CCNJL: variants seen among roughly 807,000 people sequenced by gnomAD.
The protein encoded by CCNJL is cyclin-J-like protein.
A neutral mutation model predicts 33.4 loss-of-function variants in CCNJL; 33 were observed. The observed-to-expected ratio is 0.99, with a 90% CI of 0.75 to 1.32. CCNJL has a LOEUF of 1.32. Ranked by LOEUF, CCNJL falls within the 40% of genes most tolerant of loss-of-function variation. The pLI, the probability that CCNJL is intolerant of heterozygous loss-of-function variation, is 0.00. For synonymous variants in CCNJL, 227 were observed against 220.9 expected (o/e 1.03, Z -0.24); for missense variants, 512 against 499.7 (o/e 1.02, Z -0.23).
At chr5:160,258,257 C>T in intron 4 of CCNJL, 3 of 681,900 alleles carry the variant, frequency 4.4e-6, no homozygotes, top group African/African-American at 1.8e-5. Context: ...GTCAAAATGG[C>T]TGGCAAGAAG....
rs1359537635 is a variant in CCNJL, at chr5:160,311,756, C to T, written c.66+102G>A. The stretch of plus-strand genomic sequence containing the variant: ...AAGGGTAAGAGGAAAAAAAGGCACC[C>T]GGGAGTTCTGAGTTCCCACGCAGGC... On this transcript the variant is annotated intron_variant, in intron 2 of 5. Transcript: ENST00000257536. 2.3e-5 allele frequency: 25 copies of T among 1,100,570 alleles called. No homozygotes were observed. In the South Asian group the frequency reaches 2.9e-4, roughly 13 times the overall value. 68.2% of individuals were successfully genotyped at this position (1,100,570 alleles called of 1,614,324 possible).
rs541145351 is a variant in CCNJL, at chr5:160,278,706, G to A, written c.280+1819C>T. Among the ~76,000 whole-genome samples the A allele has an allele frequency of 9.8e-5, 15 of 152,296 alleles. No homozygotes were observed. In the East Asian group the frequency reaches 1.7e-3, roughly 18 times the overall value. Reference sequence around the variant, plus strand: ...ATCCCAGCTCCCCAGACAGACACTCGGGGAGAGCTTCCATGGCCCCATGGA... The same window carrying A: ...ATCCCAGCTCCCCAGACAGACACTCAGGGAGAGCTTCCATGGCCCCATGGA... On this transcript the variant is annotated intron_variant, in intron 3 of 5. Coordinates refer to ENST00000257536, the MANE Select transcript of CCNJL (RefSeq NM_001308173.3).
rs1417817383 is a variant in CCNJL, at chr5:160,259,701, G to T, written c.351C>A (p.Ser117Arg). ...EQINSTRILS[S>R]QNFTLTKKEL... The stretch of plus-strand genomic sequence containing the variant: ...CCTTCTTGGTGAGGGTGAAGTTCTG[G>T]CTGCTCAGGATCCTCGTGCTGTTTA... Residue 117 changes from serine (S) to arginine (R), a missense_variant, in exon 4 of 6, where the codon AGC becomes AGA. Ser to Arg is a moderately radical substitution (Grantham distance 110). Transcript: ENST00000257536. 5 of 1,614,052 alleles carry T rather than the reference G, an allele frequency of 3.1e-6. No homozygotes were observed. The highest frequency in any genetic ancestry group is 2.7e-5 in the African/African-American group (2 of 74,900).
chr5:160,296,225 A>T (rs144932138), intron 2 of CCNJL, among the ~76,000 whole-genome samples: 10 of 152,348 alleles, frequency 6.6e-5, no homozygotes, highest in African/African-American at 2.4e-4. Context: ...CAGATAACAT[A>T]CACAAGGCAC....
At chr5:160,259,431 A>AG in intron 4 of CCNJL, 38 bp downstream of exon 4, 1 of 1,568,120 alleles carries the variant, frequency 6.4e-7, no homozygotes, top group Non-Finnish European at 8.7e-7. Flanking sequence ...GTGGTGGGGA[A>AG]GGGGTGGGAG....
intron 4 of CCNJL, chr5:160,258,175 T>G: frequency 4.4e-6 from 2 of 457,882 alleles, no homozygotes; most frequent in Non-Finnish European, 8.0e-6. Context: ...TCATGCCCAT[T>G]TTAGTTTGTG....
chr5:160,312,261 G>C (rs1354790118), intron 1 of CCNJL, 103 bp downstream of exon 1: 2 of 359,240 alleles, frequency 5.6e-6, no homozygotes, highest in Admixed American at 4.6e-5. Context: ...CTCGAGGCTG[G>C]GGCTCTGGCG....
At chr5:160,330,052 T>C (rs1186694181) in intron 1 of CCNJL, among the ~76,000 whole-genome samples, 3 of 152,106 alleles carry the variant, frequency 2.0e-5, no homozygotes, top group African/African-American at 7.2e-5. Flanking sequence ...TCATGTCTGT[T>C]ACTATAGAAG....
At chr5:160,257,007 C>A (rs1477749340) in intron 4 of CCNJL, among the ~76,000 whole-genome samples, 3 of 151,900 alleles carry the variant, frequency 2.0e-5, no homozygotes, top group African/African-American at 7.3e-5. Context: ...ACAACAACAA[C>A]AAATTTAAAA....
chr5:160,327,606 G>T (rs1316328650), intron 1 of CCNJL, among the ~76,000 whole-genome samples: 1 of 152,220 alleles, frequency 6.6e-6, no homozygotes, highest in Non-Finnish European at 1.5e-5. Context: ...CCCCAACAAG[G>T]TGGGCCAGGA....
intron 1 of CCNJL, among the ~76,000 whole-genome samples, chr5:160,324,974 C>A (rs1001445912): frequency 6.6e-6 from 1 of 152,164 alleles, no homozygotes; most frequent in African/African-American, 2.4e-5. Flanking sequence ...TTCCAAGGTA[C>A]TTGGTGTGTG....
At chr5:160,280,969 C>T (rs539163703) in intron 2 of CCNJL, 3 of 628,328 alleles carry the variant, frequency 4.8e-6, no homozygotes, top group East Asian at 2.9e-5. Flanking sequence ...ACAGAGGAAG[C>T]CAGTCATTCC....
At chr5:160,288,322 G>C (rs1762474909) in intron 2 of CCNJL, among the ~76,000 whole-genome samples, 1 of 151,978 alleles carries the variant, frequency 6.6e-6, no homozygotes, top group Admixed American at 6.6e-5. Flanking sequence ...TTTCAGTTTG[G>C]AAACAAACAA....
At position 160,251,206 on chromosome 5, in the gene CCNJL, A is replaced by G. The variant is rs1196790612; in HGVS notation, c.*2172T>C. 6.6e-6 allele frequency: 1 copy of G among 152,238 alleles called. No individual in the cohort carries two copies. The highest frequency in any genetic ancestry group is 1.5e-5 in the Non-Finnish European group (1 of 68,050). The allele number at this position is 152,238 out of a possible 1,614,324, so 9.4% of individuals were successfully genotyped here. A position where few individuals can be genotyped will look rare whatever the true frequency, so the allele number is the denominator to read the frequency against. ...CAAAGATTGAGGTTTCCTGGAGAAT[A>G]AATTTTGCCTCACGACTGCTAACAC... On this transcript the variant is annotated 3_prime_UTR_variant, in exon 6 of 6. Coordinates refer to ENST00000257536, the MANE Select transcript of CCNJL (RefSeq NM_001308173.3).
At chr5:160,269,742 T>C (rs1761756539) in intron 3 of CCNJL, among the ~76,000 whole-genome samples, 2 of 152,142 alleles carry the variant, frequency 1.3e-5, no homozygotes, top group South Asian at 2.1e-4. Context: ...CGTTCTGACC[T>C]GAATCTTCCT....
intron 2 of CCNJL, among the ~76,000 whole-genome samples, chr5:160,304,746 A>T (rs996080787): frequency 1.3e-5 from 2 of 152,120 alleles, no homozygotes; most frequent in Non-Finnish European, 1.5e-5. Flanking sequence ...AAGGGAATGG[A>T]AAAACCAAGC....
At chr5:160,280,252 C>G (rs1762161401) in intron 3 of CCNJL, among the ~76,000 whole-genome samples, 2 of 152,172 alleles carry the variant, frequency 1.3e-5, no homozygotes, top group African/African-American at 4.8e-5. Flanking sequence ...CTCTCTGTGC[C>G]TCTGTAAAGT....
intron 1 of CCNJL, among the ~76,000 whole-genome samples, chr5:160,322,757 T>G (rs1763487057): frequency 7.1e-6 from 1 of 140,216 alleles, no homozygotes; most frequent in African/African-American, 2.7e-5. Context: ...GCTACAAAAA[T>G]TAGCTGGGCG....
chr5:160,274,093 T>A (rs754630420), intron 3 of CCNJL, among the ~76,000 whole-genome samples: 4 of 152,106 alleles, frequency 2.6e-5, no homozygotes, highest in African/African-American at 9.7e-5. Context: ...TTACCTGGGA[T>A]TGGGAAAAGG....
Sources: gnomAD v4.1 joint callset for allele counts (sites outside exome capture counted in the v4.1 genomes callset) on GRCh38, gnomAD v4.1.1 for gene constraint, MANE v1.5 for transcripts, NCBI Gene and HGNC (gene_info 2026-07-23, HGNC 2026-07-21) for gene names.